RNF157: variants seen among roughly 807,000 people sequenced by gnomAD.
RNF157 encodes ring finger protein 157.
RNF157 carries 55 observed loss-of-function variants against 88.3 expected under a neutral mutation model. That is an observed-to-expected ratio of 0.62 (90% confidence interval 0.50 to 0.78). The LOEUF is 0.78. RNF157 is among the 30% of genes least tolerant of loss of function. The probability of loss-of-function intolerance (pLI) is 0.00; values close to 1 mark genes in which losing one functional copy is unlikely to be tolerated. For missense variants in RNF157, 788 were observed against 860.8 expected, an observed-to-expected ratio of 0.92 and a Z score of 1.06; for synonymous variants, 334 against 341.2, an observed-to-expected ratio of 0.98 and a Z score of 0.23.
chr17:76,182,451 CTGTG>C (rs5822121), intron 2 of RNF157, among the ~76,000 whole-genome samples: 3,751 of 144,074 alleles, frequency 0.026, 74 homozygotes, highest in Non-Finnish European at 0.034. Context: ...CGCATTTAGT[CTGTG>C]TGTGTGTGTG....
chr17:76,235,770 A>T (rs1598453323), intron 1 of RNF157, among the ~76,000 whole-genome samples: 1 of 152,034 alleles, frequency 6.6e-6, no homozygotes, highest in Non-Finnish European at 1.5e-5. Flanking sequence ...CTGCTTTGGG[A>T]CCCCGAGGTG....
intron 1 of RNF157, among the ~76,000 whole-genome samples, chr17:76,238,577 A>G (rs3859181): frequency 0.49 from 73,837 of 152,016 alleles, 18,553 homozygotes; most frequent in African/African-American, 0.61. Context: ...AGTCCCACAT[A>G]TGAAAGAGCG....
intron 18 of RNF157, chr17:76,147,115 T>G (rs1327947906): frequency 1.0e-6 from 1 of 985,180 alleles, no homozygotes; most frequent in East Asian, 1.1e-4. Flanking sequence ...GCCTGGGACA[T>G]GAGTCAAGGT....
At chr17:76,162,861 T>G (rs990654521) in intron 8 of RNF157, 3 of 391,588 alleles carry the variant, frequency 7.7e-6, no homozygotes, top group Admixed American at 8.9e-5. Context: ...GAACATAAAA[T>G]TTCACAAATA....
At chr17:76,204,923 T>C (rs1035652697) in intron 2 of RNF157, among the ~76,000 whole-genome samples, 1 of 151,790 alleles carries the variant, frequency 6.6e-6, no homozygotes, top group African/African-American at 2.4e-5. Flanking sequence ...TAGCTGGGAT[T>C]ACAAGCACCT....
chr17:76,232,302 T>C (rs566700835), intron 1 of RNF157, among the ~76,000 whole-genome samples: 2 of 151,804 alleles, frequency 1.3e-5, no homozygotes, highest in African/African-American at 4.8e-5. Flanking sequence ...GCTGGAGGAG[T>C]GCCTGAGCCC....
At chr17:76,178,880 C>T (rs941781552) in intron 2 of RNF157, among the ~76,000 whole-genome samples, 1 of 152,026 alleles carries the variant, frequency 6.6e-6, no homozygotes, top group Non-Finnish European at 1.5e-5. Context: ...GAGGTTTGAA[C>T]ACGTTCTACC....
intron 1 of RNF157, among the ~76,000 whole-genome samples, chr17:76,218,399 G>A (rs984312320): frequency 6.6e-6 from 1 of 152,212 alleles, no homozygotes; most frequent in African/African-American, 2.4e-5. Flanking sequence ...CCAGTACTTT[G>A]GGAGGCCAAG....
At chr17:76,175,090 C>T (rs1481845375) in intron 2 of RNF157, among the ~76,000 whole-genome samples, 5 of 152,288 alleles carry the variant, frequency 3.3e-5, no homozygotes, top group African/African-American at 9.6e-5. Context: ...TCTATCCATC[C>T]ATCCTGTCCA....
At chr17:76,194,094 A>T (rs1312605581) in intron 2 of RNF157, among the ~76,000 whole-genome samples, 4 of 152,206 alleles carry the variant, frequency 2.6e-5, no homozygotes, top group Non-Finnish European at 4.4e-5. Flanking sequence ...ATTTATATAC[A>T]GTAAAATTCA....
chr17:76,210,273 T>C lies in RNF157; in HGVS notation c.207+2091A>G, dbSNP rs557638157. On this transcript the variant is annotated intron_variant, in intron 2 of 18. Coordinates refer to ENST00000269391, the MANE Select transcript of RNF157 (RefSeq NM_052916.3). Reference sequence around the variant, plus strand: ...GAAAAGTGTACTACTGGACGAAAAATTAGCAGAGGGGTCACTCCAGATAGA... The same window carrying C: ...GAAAAGTGTACTACTGGACGAAAAACTAGCAGAGGGGTCACTCCAGATAGA... Among the ~76,000 whole-genome samples, 265 of 151,942 alleles carry C rather than the reference T, an allele frequency of 1.7e-3. 1 individual carries two copies. Among genetic ancestry groups the C allele is most frequent in the African/African-American group, 6.1e-3 (253 of 41,458 alleles).
chr17:76,191,418 C>G (rs1459230094), intron 2 of RNF157, among the ~76,000 whole-genome samples: 1 of 151,862 alleles, frequency 6.6e-6, no homozygotes, highest in Non-Finnish European at 1.5e-5. Flanking sequence ...TAAGACCAGC[C>G]TGGCCAAAAC....
Position 76,167,725 on chromosome 17 carries a change from G to A in RNF157, c.369C>T (p.Thr123=). ...KAKVHYNVEF[T]FDTDARVAIT... ...TGGCTACCCGAGCATCTGTGTCAAA[G>A]GTGAACTCAACATTGTAGTGGACTT... Residue 123 remains threonine (T), a synonymous_variant, in exon 4 of 19, where the codon ACC becomes ACT. Coordinates refer to ENST00000269391, the MANE Select transcript of RNF157 (RefSeq NM_052916.3). The A allele has an allele frequency of 6.2e-7, 1 of 1,614,182 alleles. No individual in the cohort carries two copies.
chr17:76,165,384 T>G, intron 7 of RNF157, 118 bp downstream of exon 7: 1 of 984,174 alleles, frequency 1.0e-6, no homozygotes, highest in Non-Finnish European at 1.6e-6. Context: ...TTCACCATTA[T>G]AGCCTCTAAA....
chr17:76,167,229 G>C lies in RNF157; in HGVS notation c.444-103C>G, dbSNP rs138595809. On this transcript the variant is annotated intron_variant, in intron 4 of 18. Transcript: ENST00000269391. ...TGTTCTCAATTATCAACAGGGTCTA[G>C]CGAAGAGAAGAAAGGGTCCTTTATA... is the stretch of plus-strand genomic sequence containing the variant. 631 of 853,866 alleles carry C rather than the reference G, an allele frequency of 7.4e-4. 5 individuals are homozygous for C. The African/African-American group carries it at 9.6e-3, about 13-fold the overall frequency. The allele number at this position is 853,866 out of a possible 1,614,324, so 52.9% of individuals were successfully genotyped here.
At chr17:76,237,727 A>C (rs1270282481) in intron 1 of RNF157, among the ~76,000 whole-genome samples, 1 of 152,098 alleles carries the variant, frequency 6.6e-6, no homozygotes, top group African/African-American at 2.4e-5. Flanking sequence ...CCAAGGCGGG[A>C]GGATTGCTTG....
intron 2 of RNF157, among the ~76,000 whole-genome samples, chr17:76,207,295 C>T (rs991994771): frequency 1.3e-5 from 2 of 152,194 alleles, no homozygotes; most frequent in Admixed American, 6.5e-5. Flanking sequence ...TAGTAGCATG[C>T]ACCTTTATTC....
At chr17:76,226,801 G>T (rs528120889) in intron 1 of RNF157, 186 of 1,551,380 alleles carry the variant, frequency 1.2e-4, no homozygotes, top group Non-Finnish European at 1.5e-4. Context: ...AGCTCATTTC[G>T]GTCATGTTGC....
chr17:76,236,862 G>C (rs2070290879), intron 1 of RNF157, among the ~76,000 whole-genome samples: 1 of 152,010 alleles, frequency 6.6e-6, no homozygotes, highest in Admixed American at 6.5e-5. Context: ...AAAGCAAACA[G>C]AGCAAGGTGT....
Sources: gnomAD v4.1 joint callset for allele counts (sites outside exome capture counted in the v4.1 genomes callset) on GRCh38, gnomAD v4.1.1 for gene constraint, MANE v1.5 for transcripts, NCBI Gene and HGNC (gene_info 2026-07-23, HGNC 2026-07-21) for gene names.